The following FRMD3 variants were observed in gnomAD, a reference collection of about 807,000 sequenced individuals.
The protein encoded by FRMD3 is FERM domain-containing protein 3.
Under a neutral mutation model 70.2 loss-of-function variants are expected in FRMD3, and 33 were observed. That is an observed-to-expected ratio of 0.47 (90% CI 0.36 to 0.63). The LOEUF (loss-of-function observed/expected upper bound fraction) is 0.63. FRMD3 is among the 20% of genes least tolerant of loss of function. The pLI is 0.00. For synonymous variants in FRMD3, 279 were observed against 255.9 expected, an observed-to-expected ratio of 1.09 and a Z score of -0.86; for missense variants, 632 against 711.4, an observed-to-expected ratio of 0.89 and a Z score of 1.27.
intron 6 of FRMD3, among the ~76,000 whole-genome samples, chr9:83,326,473 G>C (rs958326719): frequency 1.3e-5 from 2 of 152,144 alleles, no homozygotes; most frequent in African/African-American, 4.8e-5. Context: ...GTCATACACA[G>C]GGAAAAACTA....
rs1445754065 is a variant in FRMD3, at chr9:83,245,890, G to A, written c.*2028C>T. On this transcript the variant is annotated 3_prime_UTR_variant, in exon 14 of 14. Coordinates refer to ENST00000304195, the MANE Select transcript of FRMD3 (RefSeq NM_174938.6). The stretch of plus-strand genomic sequence containing the variant: ...CTGCAAGCTTCCAAAATAAATTGTT[G>A]AGGATTCCAATCACAGAAAATATAT... 1.0e-6 allele frequency: 1 copy of A among 983,740 alleles called. No individual in the cohort carries two copies. Among genetic ancestry groups the A allele is most frequent in the Admixed American group, 6.2e-5 (1 of 16,242 alleles). The allele number at this position is 983,740 out of a possible 1,614,324, so 60.9% of individuals were successfully genotyped here. A position where few individuals can be genotyped will look rare whatever the true frequency, so the allele number is the denominator to read the frequency against.
At chr9:83,441,133 G>A (rs1485835019) in intron 1 of FRMD3, among the ~76,000 whole-genome samples, 2 of 152,130 alleles carry the variant, frequency 1.3e-5, no homozygotes, top group Non-Finnish European at 1.5e-5. Flanking sequence ...ATTACAGCCC[G>A]AACAAGAAAA....
intron 1 of FRMD3, among the ~76,000 whole-genome samples, chr9:83,452,463 T>C (rs552569070): frequency 1.3e-5 from 1 of 76,632 alleles, no homozygotes; most frequent in African/African-American, 3.9e-5. Context: ...TATGAACTAA[T>C]GCTTGAGTTG....
At position 83,298,288 on chromosome 9, in the gene FRMD3, G is replaced by A. The variant is rs552730386; in HGVS notation, c.1070+460C>T. Among the ~76,000 whole-genome samples, 3 of 152,342 alleles carry A rather than the reference G, an allele frequency of 2.0e-5. No individual in the cohort carries two copies. In the East Asian group the frequency reaches 5.8e-4, roughly 29 times the overall value. On this transcript the variant is annotated intron_variant, in intron 12 of 13. Coordinates refer to ENST00000304195, the MANE Select transcript of FRMD3 (RefSeq NM_174938.6). ...CATATCGTCACCTTAATGGAGGTGT[G>A]TACTCTTGAGCCAACAATGACTAAG...
intron 13 of FRMD3, among the ~76,000 whole-genome samples, chr9:83,263,217 A>G (rs1833067847): frequency 6.6e-6 from 1 of 152,214 alleles, no homozygotes; most frequent in African/African-American, 2.4e-5. Context: ...CAACCCTGGA[A>G]TCCTCTCTGA....
intron 1 of FRMD3, among the ~76,000 whole-genome samples, chr9:83,402,239 G>A (rs562797170): frequency 6.7e-6 from 1 of 148,390 alleles, no homozygotes; most frequent in South Asian, 2.2e-4. Context: ...AATTCTTAAC[G>A]CCCCAGGAGC....
chr9:83,310,025 A>G (rs1835290752), intron 9 of FRMD3, among the ~76,000 whole-genome samples: 1 of 152,210 alleles, frequency 6.6e-6, no homozygotes, highest in Non-Finnish European at 1.5e-5. Flanking sequence ...TATTTTGTTA[A>G]TGGTCTCCGC....
At chr9:83,304,151 G>A (rs896445812) in intron 10 of FRMD3, among the ~76,000 whole-genome samples, 5 of 152,120 alleles carry the variant, frequency 3.3e-5, no homozygotes, top group Non-Finnish European at 7.3e-5. Flanking sequence ...GATGGACATT[G>A]GATTGTTTCC....
chr9:83,490,828 A>ACC (rs1828807794), intron 1 of FRMD3, among the ~76,000 whole-genome samples: 1 of 145,900 alleles, frequency 6.9e-6, no homozygotes, highest in African/African-American at 2.6e-5. Flanking sequence ...ACACACACAC[A>ACC]CCATTCCTTG....
At chr9:83,297,861 G>A (rs1420162283) in intron 12 of FRMD3, 4 of 470,754 alleles carry the variant, frequency 8.5e-6, no homozygotes, top group Non-Finnish European at 1.8e-5. Flanking sequence ...CCCCGGTGTG[G>A]GAGAGAAATG....
the FRMD3 span, among the ~76,000 whole-genome samples, chr9:83,572,320 G>A: frequency 6.6e-6 from 1 of 152,160 alleles, no homozygotes; most frequent in Admixed American, 6.5e-5. Context: ...TCCTTGAGCT[G>A]GTGAGAGGAT....
intron 13 of FRMD3, among the ~76,000 whole-genome samples, chr9:83,273,024 C>A (rs1833655264): frequency 7.4e-6 from 1 of 135,316 alleles, no homozygotes; most frequent in South Asian, 2.6e-4. Flanking sequence ...GCAGCCCCCA[C>A]CCAGCCAGCT....
chr9:83,314,007 A>G lies in FRMD3; in HGVS notation c.597-260T>C, dbSNP rs181937778. Among the ~76,000 whole-genome samples the G allele has an allele frequency of 2.0e-3, 309 of 152,362 alleles. 5 individuals are homozygous for G. Among genetic ancestry groups the G allele is most frequent in the African/African-American group, 7.3e-3 (304 of 41,586 alleles). On this transcript the variant is annotated intron_variant, in intron 6 of 13. Transcript: ENST00000304195. ...CTCCAGTGATCCGTACAGTTAATCA[A>G]GGTTATCAAGTTACCAATAAGCAGG...
At chr9:83,475,141 C>T (rs1297141445) in intron 1 of FRMD3, among the ~76,000 whole-genome samples, 1 of 151,726 alleles carries the variant, frequency 6.6e-6, no homozygotes, top group African/African-American at 2.4e-5. Context: ...AGAGATAGAA[C>T]CAATAGGAAA....
chr9:83,376,719 G>A (rs1356750436), intron 2 of FRMD3, among the ~76,000 whole-genome samples: 1 of 151,556 alleles, frequency 6.6e-6, no homozygotes, highest in Non-Finnish European at 1.5e-5. Flanking sequence ...AGGATTACAG[G>A]CATGAGCCAC....
At chr9:83,567,700 C>A in the FRMD3 span, among the ~76,000 whole-genome samples, 10 of 152,312 alleles carry the variant, frequency 6.6e-5, no homozygotes, top group South Asian at 2.1e-3. Context: ...AAAATGCAGC[C>A]AGCCTCTTTG....
At position 83,312,426 on chromosome 9, in the gene FRMD3, C is replaced by A. The variant is rs116776713; in HGVS notation, c.685-451G>T. ...GGAAATTTCAGTATAAAAATATCTC[C>A]AGAAAAGCTTACTGTGCTTCCAGCC... is the stretch of plus-strand genomic sequence containing the variant. On this transcript the variant is annotated intron_variant, in intron 7 of 13. Coordinates refer to ENST00000304195, the MANE Select transcript of FRMD3 (RefSeq NM_174938.6). 4.8e-3 allele frequency among the ~76,000 whole-genome samples: 724 copies of A among 152,290 alleles called. 7 individuals are homozygous for A. Among genetic ancestry groups the A allele is most frequent in the African/African-American group, 0.017 (698 of 41,556 alleles).
chr9:83,502,140 C>T (rs578134070), intron 1 of FRMD3, among the ~76,000 whole-genome samples: 14 of 152,272 alleles, frequency 9.2e-5, no homozygotes, highest in South Asian at 4.1e-4. Flanking sequence ...AGGGAGAACA[C>T]GCAAATACCT....
chr9:83,517,600 C>G (rs1413624429), intron 1 of FRMD3, among the ~76,000 whole-genome samples: 2 of 149,476 alleles, frequency 1.3e-5, no homozygotes, highest in Admixed American at 6.7e-5. Context: ...AAAACTATTA[C>G]AAGCAATAAA....
Sources: allele counts gnomAD v4.1 joint callset (sites outside exome capture counted in the v4.1 genomes callset), GRCh38; gene constraint gnomAD v4.1.1; transcripts MANE v1.5; gene names NCBI Gene and HGNC (gene_info 2026-07-23, HGNC 2026-07-21).